The following PCDHA6 variants were observed in gnomAD, a reference collection of about 807,000 sequenced individuals.
PCDHA6 encodes the protein protocadherin alpha-6.
A neutral mutation model predicts 60.3 loss-of-function variants in PCDHA6; 55 were observed. The observed-to-expected ratio is 0.91, with a 90% CI of 0.73 to 1.14. The LOEUF (loss-of-function observed/expected upper bound fraction) is 1.14, where lower values mean the gene tolerates loss of function less well. Ranked by LOEUF, PCDHA6 falls within the 50% of genes most tolerant of loss-of-function variation. The probability of loss-of-function intolerance (pLI) is 0.00; values close to 1 mark genes in which losing one functional copy is unlikely to be tolerated. For missense variants in PCDHA6, 1,327 were observed against 1,256.5 expected, an observed-to-expected ratio of 1.06 and a Z score of -0.85; for synonymous variants, 652 against 557.9, an observed-to-expected ratio of 1.17 and a Z score of -2.38.
At chr5:140,995,546 C>T (rs2097688546) in intron 3 of PCDHA6, among the ~76,000 whole-genome samples, 1 of 152,184 alleles carries the variant, frequency 6.6e-6, no homozygotes, top group African/African-American at 2.4e-5. Context: ...AAGGGGCGAT[C>T]ACTGTACTGA....
intron 1 of PCDHA6, chr5:140,859,929 A>T (rs568538695): frequency 4.2e-4 from 64 of 152,162 alleles, no homozygotes; most frequent in African/African-American, 1.3e-3. Flanking sequence ...TAATATAAAA[A>T]ACTTAGTAAA....
At chr5:140,877,721 A>G in intron 1 of PCDHA6, 1 of 1,614,000 alleles carries the variant, frequency 6.2e-7, no homozygotes, top group East Asian at 2.2e-5. Context: ...AGTTGGTCTT[A>G]CTCGCAGCAG....
At chr5:140,877,299 C>G (rs374061607) in intron 1 of PCDHA6, 2 of 1,613,924 alleles carry the variant, frequency 1.2e-6, no homozygotes, top group Admixed American at 1.7e-5. Context: ...GGCTGTCCTA[C>G]GAGTTGCAAC....
At chr5:140,851,863 T>C in intron 1 of PCDHA6, 1 of 976,024 alleles carries the variant, frequency 1.0e-6, no homozygotes, top group Non-Finnish European at 1.2e-6. Flanking sequence ...AGCTCATACA[T>C]AACACAAGGC....
chr5:141,002,246 C>G (rs1217451636), intron 3 of PCDHA6, among the ~76,000 whole-genome samples: 1 of 152,190 alleles, frequency 6.6e-6, no homozygotes, highest in Non-Finnish European at 1.5e-5. Flanking sequence ...CTTTATTAAC[C>G]TCAGCACTGA....
chr5:140,870,224 C>T, intron 1 of PCDHA6: 1 of 1,614,184 alleles, frequency 6.2e-7, no homozygotes, highest in Admixed American at 1.7e-5. Flanking sequence ...ATCAGCGTGT[C>T]TGACCGTGAC....
chr5:140,875,452 C>G (rs370742022), intron 1 of PCDHA6: 1 of 1,592,452 alleles, frequency 6.3e-7, no homozygotes, highest in Non-Finnish European at 8.6e-7. Flanking sequence ...TGTCCCAACT[C>G]AGAGGCCCTC....
At chr5:140,968,849 G>A in intron 1 of PCDHA6, 1 of 1,614,206 alleles carries the variant, frequency 6.2e-7, no homozygotes, top group East Asian at 2.2e-5. Context: ...TCAGAGGCAT[G>A]TTAAGAGCCC....
intron 1 of PCDHA6, chr5:140,848,567 G>C (rs2150412959): frequency 6.3e-7 from 1 of 1,595,646 alleles, no homozygotes; most frequent in Non-Finnish European, 8.6e-7. Flanking sequence ...TCGCAATGTG[G>C]GTGGTGGGGA....
At chr5:140,852,796 T>C in intron 1 of PCDHA6, 4 of 976,920 alleles carry the variant, frequency 4.1e-6, no homozygotes, top group Non-Finnish European at 4.9e-6. Context: ...ATGCTACAGA[T>C]GTCATTTGTC....
At chr5:140,868,946 G>A in intron 1 of PCDHA6, 1 of 1,292,214 alleles carries the variant, frequency 7.7e-7, no homozygotes, top group Middle Eastern at 2.5e-4. Flanking sequence ...TCTGAACAGT[G>A]AGGCACTCCC....
chr5:141,009,584 A>G, intron 3 of PCDHA6, 43 bp from the exon 4 acceptor site: 1 of 1,592,004 alleles, frequency 6.3e-7, no homozygotes, highest in Non-Finnish European at 8.6e-7. Context: ...CATCAAGAGC[A>G]TGTGTTGACC....
intron 1 of PCDHA6, among the ~76,000 whole-genome samples, chr5:140,944,533 AG>A (rs1276351803): frequency 6.6e-6 from 1 of 152,148 alleles, no homozygotes; most frequent in Non-Finnish European, 1.5e-5. Flanking sequence ...AAATGATTTA[AG>A]TATTTAAAGA....
rs57893927 is a variant in PCDHA6 at position 140,946,631 on chromosome 5, T to TATATATATATATACACAC, written c.2395-32317_2395-32316insTATATATATATACACACA. ...TGTGAAATATATATATATATATATA[T>TATATATATATATACACAC]ACAATGGAATACTCATCAGCCATTA... On this transcript the variant is annotated intron_variant, in intron 1 of 3. Transcript: ENST00000529310. Among the ~76,000 whole-genome samples the TATATATATATATACACAC allele has an allele frequency of 9.9e-5, 13 of 131,856 alleles. 1 individual carries two copies. The East Asian group carries it at 2.7e-3, about 27-fold the overall frequency. 86.5% of individuals were successfully genotyped at this position (131,856 alleles called of 152,430 possible). A position where few individuals can be genotyped will look rare whatever the true frequency, so the allele number is the denominator to read the frequency against.
intron 1 of PCDHA6, among the ~76,000 whole-genome samples, chr5:140,921,048 T>C (rs1554200052): frequency 6.6e-6 from 1 of 152,052 alleles, no homozygotes; most frequent in African/African-American, 2.4e-5. Context: ...GGGGCAATCA[T>C]AGCTCACTCT....
At chr5:140,907,873 CACTCA>C (rs2073658134) in intron 1 of PCDHA6, among the ~76,000 whole-genome samples, 1 of 152,226 alleles carries the variant, frequency 6.6e-6, no homozygotes, top group Non-Finnish European at 1.5e-5. Context: ...CGTTGGTGAG[CACTCA>C]CATGGGATAC....
intron 1 of PCDHA6, among the ~76,000 whole-genome samples, chr5:140,832,042 A>G (rs2150199272): frequency 1.8e-4 from 28 of 152,338 alleles, no homozygotes; most frequent in Admixed American, 3.3e-4. Flanking sequence ...ATTCATAGTG[A>G]GGCCATAATT....
intron 1 of PCDHA6, among the ~76,000 whole-genome samples, chr5:140,898,214 T>C (rs1285649893): frequency 1.3e-5 from 2 of 152,238 alleles, no homozygotes; most frequent in African/African-American, 4.8e-5. Flanking sequence ...TTTGTCAATT[T>C]TGGCTTTTGT....
chr5:140,841,145 T>C, intron 1 of PCDHA6: 1 of 756,386 alleles, frequency 1.3e-6, no homozygotes, highest in Non-Finnish European at 2.1e-6. Flanking sequence ...CCACATGATG[T>C]CGCTGTCTAC....
Sources: allele counts gnomAD v4.1 joint callset (sites outside exome capture counted in the v4.1 genomes callset), GRCh38; gene constraint gnomAD v4.1.1; transcripts MANE v1.5; gene names NCBI Gene and HGNC (gene_info 2026-07-23, HGNC 2026-07-21).